THSD7B: variants seen among roughly 807,000 people sequenced by gnomAD.
THSD7B encodes the protein thrombospondin type 1 domain containing 7B, also known as thrombospondin type-1 domain-containing protein 7B.
THSD7B carries 138 observed loss-of-function variants against 213.6 expected under a neutral mutation model. The ratio of observed to expected loss-of-function variants is 0.65; its 90% confidence interval spans 0.56 to 0.74. The LOEUF (loss-of-function observed/expected upper bound fraction) is 0.74, where lower values mean the gene tolerates loss of function less well. THSD7B is among the 30% of genes least tolerant of loss of function. The probability of loss-of-function intolerance (pLI) is 0.00; values close to 1 mark genes in which losing one functional copy is unlikely to be tolerated. For missense variants in THSD7B, 1,931 were observed against 1,991.5 expected (o/e 0.97, Z 0.58); for synonymous variants, 742 against 687.0 (o/e 1.08, Z -1.25).
rs567777186 is a variant in THSD7B at position 137,024,967 on chromosome 2, G to C, written c.140-31453G>C. Among the ~76,000 whole-genome samples the C allele has an allele frequency of 2.6e-5, 4 of 152,164 alleles. No individual in the cohort carries two copies. In the South Asian group the frequency reaches 8.3e-4, roughly 32 times the overall value. ...GGGGCCCACCACTGTCTCATTCCCG[G>C]AGTCCTGCAGCGGCCTCCTGTCTGA... On this transcript the variant is annotated intron_variant, in intron 2 of 27. Coordinates refer to ENST00000409968, the MANE Select transcript of THSD7B (RefSeq NM_001316349.2).
At chr2:137,605,022 AT>A (rs1463724831) in intron 17 of THSD7B, among the ~76,000 whole-genome samples, 1 of 152,202 alleles carries the variant, frequency 6.6e-6, no homozygotes, top group Non-Finnish European at 1.5e-5. Context: ...TCCTTTGGGT[AT>A]TTTGACCTTC....
intron 1 of THSD7B, among the ~76,000 whole-genome samples, chr2:136,786,754 C>A (rs770429489): frequency 2.0e-5 from 3 of 152,128 alleles, no homozygotes; most frequent in Non-Finnish European, 4.4e-5. Context: ...CCCCTTCTGT[C>A]AAGAAATTAC....
chr2:136,985,478 C>T (rs1685655044), intron 2 of THSD7B, among the ~76,000 whole-genome samples: 1 of 152,176 alleles, frequency 6.6e-6, no homozygotes, highest in African/African-American at 2.4e-5. Context: ...CACTGTAAGC[C>T]TTGGTGGCTT....
intron 1 of THSD7B, among the ~76,000 whole-genome samples, chr2:136,844,723 A>G (rs998796204): frequency 4.6e-5 from 7 of 152,314 alleles, no homozygotes; most frequent in Non-Finnish European, 7.4e-5. Context: ...GACAGCCTCC[A>G]ACTGTCAGCT....
chr2:136,918,469 G>C (rs1684381321), intron 2 of THSD7B, among the ~76,000 whole-genome samples: 1 of 152,156 alleles, frequency 6.6e-6, no homozygotes, highest in Non-Finnish European at 1.5e-5. Flanking sequence ...CCTTTGCCTG[G>C]ATAAGACCTG....
intron 1 of THSD7B, among the ~76,000 whole-genome samples, chr2:136,808,475 T>C (rs1371139324): frequency 6.6e-6 from 1 of 152,240 alleles, no homozygotes; most frequent in Admixed American, 6.5e-5. Context: ...TGAAGGTTTA[T>C]GTCCATCACC....
chr2:136,912,167 C>T (rs925707517), intron 2 of THSD7B, among the ~76,000 whole-genome samples: 1 of 151,606 alleles, frequency 6.6e-6, no homozygotes, highest in African/African-American at 2.4e-5. Flanking sequence ...ACTAAAAATA[C>T]AAAAATTAGC....
intron 12 of THSD7B, among the ~76,000 whole-genome samples, chr2:137,404,474 T>TATATACACACACACAC (rs1306580538): frequency 2.5e-5 from 1 of 40,262 alleles, no homozygotes; most frequent in African/African-American, 1.3e-4. Flanking sequence ...TATATATATA[T>TATATACACACACACAC]ACACACACAC....
chr2:137,020,823 T>A (rs1207580315), intron 2 of THSD7B, among the ~76,000 whole-genome samples: 1 of 152,206 alleles, frequency 6.6e-6, no homozygotes, highest in Non-Finnish European at 1.5e-5. Flanking sequence ...CTGCTCATTA[T>A]CATACTAAAT....
At chr2:136,890,354 T>C (rs1355460076) in intron 2 of THSD7B, among the ~76,000 whole-genome samples, 1,046 of 5,710 alleles carry the variant, frequency 0.18, 13 homozygotes, top group Middle Eastern at 0.5. Flanking sequence ...TTCTTCTTCT[T>C]CTTCTTCTTC....
chr2:137,588,194 T>C (rs1341030824), intron 17 of THSD7B, among the ~76,000 whole-genome samples: 1 of 152,142 alleles, frequency 6.6e-6, no homozygotes, highest in Non-Finnish European at 1.5e-5. Context: ...AGTGCAATAT[T>C]AGGGTGAGAG....
chr2:136,918,446 A>G (rs1031192698), intron 2 of THSD7B, among the ~76,000 whole-genome samples: 8 of 152,184 alleles, frequency 5.3e-5, no homozygotes, highest in African/African-American at 1.9e-4. Flanking sequence ...TTGCTACGTT[A>G]TATCTATTCT....
At chr2:137,010,219 C>A (rs932914415) in intron 2 of THSD7B, among the ~76,000 whole-genome samples, 1 of 152,156 alleles carries the variant, frequency 6.6e-6, no homozygotes, top group Admixed American at 6.5e-5. Flanking sequence ...TCACAGTCAG[C>A]AACAGTGGAA....
chr2:137,404,474 TACACACACACAC>T (rs1207612144), intron 12 of THSD7B, among the ~76,000 whole-genome samples: 6 of 40,262 alleles, frequency 1.5e-4, no homozygotes, highest in Middle Eastern at 0.021. Context: ...TATATATATA[TACACACACACAC>T]ACACACACAC....
chr2:137,662,172 C>T (rs1683358829), intron 25 of THSD7B, among the ~76,000 whole-genome samples: 1 of 150,044 alleles, frequency 6.7e-6, no homozygotes, highest in East Asian at 1.9e-4. Context: ...ACGCCATTCT[C>T]CTGCCTCAGC....
chr2:137,324,339 C>T (rs1314370022), intron 12 of THSD7B, among the ~76,000 whole-genome samples: 2 of 152,076 alleles, frequency 1.3e-5, no homozygotes, highest in African/African-American at 4.8e-5. Flanking sequence ...TGTATCTCTT[C>T]CCTGAGTTAT....
chr2:137,106,871 C>G (rs191674656), intron 4 of THSD7B, among the ~76,000 whole-genome samples: 10 of 152,074 alleles, frequency 6.6e-5, no homozygotes, highest in Admixed American at 3.9e-4. Flanking sequence ...GAATGGTGAT[C>G]GATTAAAAGT....
chr2:137,019,607 T>A (rs1686405164), intron 2 of THSD7B, among the ~76,000 whole-genome samples: 1 of 152,230 alleles, frequency 6.6e-6, no homozygotes, highest in African/African-American at 2.4e-5. Flanking sequence ...TCTTTCCACC[T>A]GATACCTTTC....
rs778744178 is a variant in THSD7B at position 136,884,638 on chromosome 2, A to C, written c.139+2321A>C. Among the ~76,000 whole-genome samples the C allele has an allele frequency of 2.6e-4, 39 of 152,174 alleles. 2 individuals carry two copies. The highest frequency in any genetic ancestry group is 1.5e-4 in the Non-Finnish European group (10 of 68,030). ...TATGTGCATGTATGTATACACACAT[A>C]TTTCATGTAAGTGGAATCATACTCT... On this transcript the variant is annotated intron_variant, in intron 2 of 27. Transcript: ENST00000409968.
Sources: gnomAD v4.1 joint callset for allele counts (sites outside exome capture counted in the v4.1 genomes callset) on GRCh38, gnomAD v4.1.1 for gene constraint, MANE v1.5 for transcripts, NCBI Gene and HGNC (gene_info 2026-07-23, HGNC 2026-07-21) for gene names.